TAFA1: variants seen among roughly 807,000 people sequenced by gnomAD.
TAFA1 encodes the protein TAFA chemokine like family member 1.
In TAFA1, 4 loss-of-function variants were observed where a neutral mutation model predicts 18.5. That is an observed-to-expected ratio of 0.22 (90% CI 0.11 to 0.49). The LOEUF is 0.49. Among genes scored for constraint, TAFA1 ranks in the 20% least tolerant of loss-of-function variants. TAFA1 has a pLI of 0.98. For missense variants in TAFA1, 147 were observed against 169.0 expected (o/e 0.87, Z 0.72); for synonymous variants, 56 against 55.2 (o/e 1.01, Z -0.06).
At chr3:68,114,135 C>G (rs764209141) in intron 2 of TAFA1, among the ~76,000 whole-genome samples, 1 of 151,962 alleles carries the variant, frequency 6.6e-6, no homozygotes, top group Non-Finnish European at 1.5e-5. Flanking sequence ...GTACAGATCT[C>G]TCCGTGCCCT....
intron 2 of TAFA1, among the ~76,000 whole-genome samples, chr3:68,374,344 G>C (rs544640282): frequency 6.6e-6 from 1 of 152,278 alleles, no homozygotes; most frequent in East Asian, 1.9e-4. Flanking sequence ...ATGGAGCAGA[G>C]CTGAAAAGGG....
At chr3:68,122,586 G>A (rs910276478) in intron 2 of TAFA1, among the ~76,000 whole-genome samples, 1 of 152,058 alleles carries the variant, frequency 6.6e-6, no homozygotes, top group African/African-American at 2.4e-5. Flanking sequence ...ATGAATTTAG[G>A]ACCATACCCT....
chr3:68,183,398 A>G (rs566765786), intron 2 of TAFA1, among the ~76,000 whole-genome samples: 3 of 152,280 alleles, frequency 2.0e-5, no homozygotes, highest in African/African-American at 7.2e-5. Context: ...ACACTCTAGC[A>G]ACTTATTATG....
At position 68,544,698 on chromosome 3, in the gene TAFA1, T is replaced by C. The variant is rs1448920062; in HGVS notation, c.*195T>C. The C allele has an allele frequency of 2.8e-5, 15 of 540,508 alleles. No individual in the cohort carries two copies. Among genetic ancestry groups the C allele is most frequent in the Non-Finnish European group, 3.2e-6 (1 of 312,028 alleles). The allele number at this position is 540,508 out of a possible 1,614,324, so 33.5% of individuals were successfully genotyped here. A position where few individuals can be genotyped will look rare whatever the true frequency, so the allele number is the denominator to read the frequency against. On this transcript the variant is annotated 3_prime_UTR_variant, in exon 5 of 5. Transcript: ENST00000478136. ...AAGACACAGCGTTTTGGCAACACCA[T>C]GGAAAGTGGGCTTAAAAAAGGGTTT... is the stretch of plus-strand genomic sequence containing the variant.
intron 2 of TAFA1, among the ~76,000 whole-genome samples, chr3:68,028,172 T>C (rs1421262909): frequency 6.6e-6 from 1 of 152,018 alleles, no homozygotes; most frequent in Non-Finnish European, 1.5e-5. Context: ...TGGTGGCACA[T>C]GCCTGTAATC....
intron 2 of TAFA1, among the ~76,000 whole-genome samples, chr3:68,126,065 C>T (rs2065461247): frequency 6.6e-6 from 1 of 152,200 alleles, no homozygotes; most frequent in South Asian, 2.1e-4. Context: ...ACTCTCTCTG[C>T]TCCTTCGCTC....
At chr3:68,054,539 A>C (rs2064510058) in intron 2 of TAFA1, among the ~76,000 whole-genome samples, 1 of 152,242 alleles carries the variant, frequency 6.6e-6, no homozygotes, top group Non-Finnish European at 1.5e-5. Context: ...TACAAAATAG[A>C]CTAAGAAGAC....
intron 2 of TAFA1, among the ~76,000 whole-genome samples, chr3:68,113,318 T>C (rs1375509028): frequency 6.6e-6 from 1 of 152,184 alleles, no homozygotes; most frequent in African/African-American, 2.4e-5. Context: ...AGTAGGAAAG[T>C]GATGATCTTT....
intron 2 of TAFA1, among the ~76,000 whole-genome samples, chr3:68,152,228 C>T (rs576362557): frequency 3.3e-4 from 51 of 152,248 alleles, no homozygotes; most frequent in African/African-American, 1.2e-3. Context: ...TCAGAATCAC[C>T]TAGGCTGTTT....
At chr3:68,236,858 T>G (rs1369257141) in intron 2 of TAFA1, among the ~76,000 whole-genome samples, 1 of 152,160 alleles carries the variant, frequency 6.6e-6, no homozygotes, top group Non-Finnish European at 1.5e-5. Context: ...ATCATAATCA[T>G]GGAATCCTTT....
chr3:68,468,700 C>T (rs531763751), intron 3 of TAFA1, among the ~76,000 whole-genome samples: 1 of 152,160 alleles, frequency 6.6e-6, no homozygotes, highest in African/African-American at 2.4e-5. Flanking sequence ...TATTTGTGCT[C>T]TCTGAGACCC....
At chr3:68,126,543 A>T (rs547810696) in intron 2 of TAFA1, among the ~76,000 whole-genome samples, 1 of 152,228 alleles carries the variant, frequency 6.6e-6, no homozygotes, top group Non-Finnish European at 1.5e-5. Context: ...TCAAAAATGT[A>T]TATATTCCAA....
At chr3:68,201,845 G>A (rs576503246) in intron 2 of TAFA1, among the ~76,000 whole-genome samples, 5 of 151,818 alleles carry the variant, frequency 3.3e-5, no homozygotes, top group East Asian at 3.9e-4. Context: ...GGCTTTCTGT[G>A]TAAAAGTTTT....
intron 2 of TAFA1, among the ~76,000 whole-genome samples, chr3:68,056,972 A>G (rs768789776): frequency 1.3e-5 from 2 of 152,150 alleles, no homozygotes; most frequent in Non-Finnish European, 2.9e-5. Context: ...TGACATCATC[A>G]TAGTAAGGGA....
intron 2 of TAFA1, among the ~76,000 whole-genome samples, chr3:68,046,094 T>C (rs1705262432): frequency 6.6e-6 from 1 of 152,202 alleles, no homozygotes; most frequent in Non-Finnish European, 1.5e-5. Context: ...CCATTATTTA[T>C]GTAAGCCATA....
intron 2 of TAFA1, among the ~76,000 whole-genome samples, chr3:68,342,973 A>C (rs2069109018): frequency 6.6e-6 from 1 of 152,300 alleles, no homozygotes; most frequent in South Asian, 2.1e-4. Context: ...TTCTTATTCA[A>C]AGATCAAATT....
intron 2 of TAFA1, among the ~76,000 whole-genome samples, chr3:68,144,005 T>A (rs2065704139): frequency 6.6e-6 from 1 of 151,986 alleles, no homozygotes; most frequent in East Asian, 1.9e-4. Context: ...TTTCTTTTTT[T>A]AAGTTCTTTT....
chr3:68,304,174 C>T (rs1309191280), intron 2 of TAFA1, among the ~76,000 whole-genome samples: 1 of 152,052 alleles, frequency 6.6e-6, no homozygotes, highest in African/African-American at 2.4e-5. Context: ...ATAGAAAATA[C>T]ACAATAGCTG....
intron 2 of TAFA1, among the ~76,000 whole-genome samples, chr3:68,348,280 A>G (rs1221124198): frequency 6.6e-6 from 1 of 152,156 alleles, no homozygotes; most frequent in African/African-American, 2.4e-5. Flanking sequence ...AGAGCTTTGC[A>G]CACAGTTAGT....
Sources: allele counts gnomAD v4.1 joint callset (sites outside exome capture counted in the v4.1 genomes callset), GRCh38; gene constraint gnomAD v4.1.1; transcripts MANE v1.5; gene names NCBI Gene and HGNC (gene_info 2026-07-23, HGNC 2026-07-21).